RFC3: variants seen among roughly 807,000 people sequenced by gnomAD.
The protein encoded by RFC3 is A1 38 kDa subunit.
A neutral mutation model predicts 45.1 loss-of-function variants in RFC3; 41 were observed. The observed-to-expected ratio is 0.91, with a 90% confidence interval of 0.71 to 1.18. The LOEUF is 1.18. Ranked by LOEUF, RFC3 falls within the 50% of genes most tolerant of loss-of-function variation. The probability of loss-of-function intolerance (pLI) is 0.00; values close to 1 mark genes in which losing one functional copy is unlikely to be tolerated. For synonymous variants in RFC3, 149 were observed against 144.0 expected, an observed-to-expected ratio of 1.03 and a Z score of -0.25; for missense variants, 423 against 428.1, an observed-to-expected ratio of 0.99 and a Z score of 0.10.
intron 8 of RFC3, among the ~76,000 whole-genome samples, chr13:33,887,788 C>G (rs2082535765): frequency 6.6e-6 from 1 of 151,912 alleles, no homozygotes; most frequent in African/African-American, 2.4e-5. Flanking sequence ...TTTAATCCAT[C>G]TTGAATTAAT....
In RFC3 at chr13:33,818,160, C is replaced by G. The variant is rs766834467; in HGVS notation, c.-19C>G. The G allele has an allele frequency of 1.9e-6, 3 of 1,607,946 alleles. No individual in the cohort carries two copies. The South Asian group carries it at 3.3e-5, about 18-fold the overall frequency. On this transcript the variant is annotated 5_prime_UTR_variant, in exon 1 of 9. Coordinates refer to ENST00000380071, the MANE Select transcript of RFC3 (RefSeq NM_002915.4). ...CGCGCGGGATTTTCAAGCGTAGGCC[C>G]CCGGGAACTCGAGCTGCCATGAGCC...
chr13:33,925,890 G>C (rs1039999334), intron 8 of RFC3, among the ~76,000 whole-genome samples: 1 of 151,842 alleles, frequency 6.6e-6, no homozygotes, highest in East Asian at 1.9e-4. Flanking sequence ...TATCAAATAA[G>C]AATGTAAAGA....
At position 33,836,835 on chromosome 13, in the gene RFC3, T is replaced by G; in HGVS notation, c.*540T>G. On this transcript the variant is annotated 3_prime_UTR_variant, in exon 9 of 9. Transcript: ENST00000380071. ...GTTGAGGCTGCAGATTTCCAACTTT[T>G]ATTTCAGTGGTTCAGATTAGTATTA... The G allele has an allele frequency of 1.0e-6, 1 of 985,900 alleles. No homozygotes were observed. Among genetic ancestry groups the G allele is most frequent in the Non-Finnish European group, 1.2e-6 (1 of 830,240 alleles). The allele number at this position is 985,900 out of a possible 1,614,324, so 61.1% of individuals were successfully genotyped here.
At chr13:33,924,041 T>C (rs1334516208) in intron 8 of RFC3, among the ~76,000 whole-genome samples, 5 of 152,202 alleles carry the variant, frequency 3.3e-5, no homozygotes, top group Admixed American at 1.3e-4. Context: ...AGACTTCTGG[T>C]TCAGCCCTGA....
chr13:33,925,275 TAC>T (rs1377229418), intron 8 of RFC3, among the ~76,000 whole-genome samples: 2 of 68,748 alleles, frequency 2.9e-5, no homozygotes, highest in African/African-American at 1.3e-4. Context: ...ACTATATACA[TAC>T]ACATATAGTG....
the RFC3 span, among the ~76,000 whole-genome samples, chr13:33,974,571 T>A: frequency 6.6e-6 from 1 of 152,248 alleles, no homozygotes; most frequent in Non-Finnish European, 1.5e-5. Flanking sequence ...GAGAGAATAG[T>A]GACCACCTCA....
intron 6 of RFC3, 38 bp downstream of exon 6, chr13:33,830,893 C>T: frequency 6.4e-7 from 1 of 1,574,082 alleles, no homozygotes; most frequent in South Asian, 1.2e-5. Context: ...GGACTTTGGC[C>T]CCCAAGCTTT....
chr13:33,966,984 C>T (rs1280426610), downstream of RFC3, among the ~76,000 whole-genome samples: 1 of 151,850 alleles, frequency 6.6e-6, no homozygotes, highest in Admixed American at 6.6e-5. Context: ...TGGCGAAACC[C>T]CGTCTCTACT....
chr13:33,901,248 T>A (rs2082639994), intron 8 of RFC3, among the ~76,000 whole-genome samples: 1 of 152,058 alleles, frequency 6.6e-6, no homozygotes, highest in Admixed American at 6.6e-5. Context: ...TTCTCATGTT[T>A]ATTGCAACCC....
chr13:33,890,104 C>T (rs890307677), intron 8 of RFC3, among the ~76,000 whole-genome samples: 6 of 152,082 alleles, frequency 3.9e-5, no homozygotes, highest in African/African-American at 1.4e-4. Flanking sequence ...CAGGAGCAGC[C>T]TTACGACCTC....
At chr13:33,970,040 T>A (rs1288425116), downstream of RFC3, among the ~76,000 whole-genome samples, 2 of 152,084 alleles carry the variant, frequency 1.3e-5, no homozygotes, top group Non-Finnish European at 2.9e-5. Context: ...ACCTAGGTAT[T>A]AAGCCCAGCA....
intron 2 of RFC3, 42 bp from the exon 3 acceptor site, chr13:33,823,875 G>A: frequency 2.0e-6 from 2 of 1,002,252 alleles, no homozygotes; most frequent in Non-Finnish European, 3.0e-6. Context: ...GGGGAAATAG[G>A]CAATAAATAA....
At chr13:33,892,573 A>G (rs549401386) in intron 8 of RFC3, among the ~76,000 whole-genome samples, 1 of 152,248 alleles carries the variant, frequency 6.6e-6, no homozygotes, top group East Asian at 1.9e-4. Context: ...TTATCCAAAC[A>G]TCTGAGCCTA....
intron 8 of RFC3, among the ~76,000 whole-genome samples, chr13:33,886,569 T>C (rs2082525419): frequency 1.3e-5 from 2 of 150,248 alleles, no homozygotes; most frequent in Non-Finnish European, 3.0e-5. Context: ...AAAAAACCCA[T>C]CATTATTTCA....
intron 8 of RFC3, among the ~76,000 whole-genome samples, chr13:33,946,090 G>C (rs1327338947): frequency 6.6e-6 from 1 of 152,092 alleles, no homozygotes; most frequent in East Asian, 1.9e-4. Context: ...ATGTTGCCTG[G>C]GGAATGTTTC....
At chr13:33,890,877 T>C (rs923081136) in intron 8 of RFC3, among the ~76,000 whole-genome samples, 4 of 152,184 alleles carry the variant, frequency 2.6e-5, no homozygotes, top group African/African-American at 9.7e-5. Flanking sequence ...TTTTATACCA[T>C]GCTTTCTTCT....
chr13:33,854,160 A>G (rs1482820026), intron 8 of RFC3, among the ~76,000 whole-genome samples: 1 of 152,218 alleles, frequency 6.6e-6, no homozygotes, highest in Non-Finnish European at 1.5e-5. Context: ...GAGATTATCC[A>G]TGTCATTGAG....
intron 8 of RFC3, among the ~76,000 whole-genome samples, chr13:33,909,839 C>A (rs2137696100): frequency 6.6e-6 from 1 of 152,156 alleles, no homozygotes; most frequent in Admixed American, 6.6e-5. Context: ...AGGGCATTTG[C>A]TCAGTAAGAT....
intron 7 of RFC3, among the ~76,000 whole-genome samples, chr13:33,831,567 A>G (rs887691697): frequency 1.0e-5 from 1 of 96,954 alleles, no homozygotes; most frequent in Admixed American, 1.3e-4. Flanking sequence ...CTGTAATATC[A>G]TGGCTTACAT....
Sources: allele counts gnomAD v4.1 joint callset (sites outside exome capture counted in the v4.1 genomes callset), GRCh38; gene constraint gnomAD v4.1.1; transcripts MANE v1.5; gene names NCBI Gene and HGNC (gene_info 2026-07-23, HGNC 2026-07-21).